The following MIA2 variants were observed in gnomAD, a reference collection of about 807,000 sequenced individuals.
MIA2 encodes MIA SH3 domain ER export factor 2, also known as melanoma inhibitory activity protein 2.
In MIA2, 127 loss-of-function variants were observed where a neutral mutation model predicts 167.8. That is an observed-to-expected ratio of 0.76 (90% CI 0.66 to 0.88). The LOEUF (loss-of-function observed/expected upper bound fraction) is 0.88, where lower values mean the gene tolerates loss of function less well. MIA2 is among the 40% of genes least tolerant of loss of function. The pLI is 0.00. For synonymous variants in MIA2, 552 were observed against 541.9 expected, an observed-to-expected ratio of 1.02 and a Z score of -0.26; for missense variants, 1,690 against 1,624.7, an observed-to-expected ratio of 1.04 and a Z score of -0.69.
intron 23 of MIA2, among the ~76,000 whole-genome samples, chr14:39,365,229 C>G (rs2074793915): frequency 1.3e-5 from 2 of 152,098 alleles, no homozygotes; most frequent in South Asian, 4.1e-4. Context: ...CCAAGCCTGG[C>G]TAATTTTTGT....
chr14:39,369,714 TA>T (rs1595952442), intron 23 of MIA2, among the ~76,000 whole-genome samples: 1 of 152,246 alleles, frequency 6.6e-6, no homozygotes, highest in Admixed American at 6.5e-5. Context: ...GGGCAGATGA[TA>T]AATGCATGTG....
intron 28 of MIA2, 90 bp from the exon 29 acceptor site, chr14:39,350,008 G>A (rs2074194466): frequency 3.7e-6 from 2 of 538,738 alleles, no homozygotes; most frequent in Non-Finnish European, 6.8e-6. Context: ...TAAAAGAATA[G>A]GTAATGGAAG....
intron 23 of MIA2, among the ~76,000 whole-genome samples, chr14:39,383,623 CT>C: frequency 6.6e-6 from 1 of 152,296 alleles, no homozygotes; most frequent in South Asian, 2.1e-4. Flanking sequence ...AACTAGGCCT[CT>C]TGTGCCAAAC....
At chr14:39,286,201 G>A (rs1022284365) in intron 9 of MIA2, among the ~76,000 whole-genome samples, 10 of 152,240 alleles carry the variant, frequency 6.6e-5, no homozygotes, top group Admixed American at 1.3e-4. Flanking sequence ...CCGGCACCTC[G>A]GGAGGCCGAG....
chr14:39,245,206 G>A (rs1166321380), intron 3 of MIA2, among the ~76,000 whole-genome samples: 3 of 151,332 alleles, frequency 2.0e-5, no homozygotes, highest in Non-Finnish European at 4.4e-5. Context: ...CTCCCAAAGT[G>A]CTGGAATTAC....
At chr14:39,238,072 T>C (rs1289473743) in intron 2 of MIA2, among the ~76,000 whole-genome samples, 1 of 151,784 alleles carries the variant, frequency 6.6e-6, no homozygotes, top group Non-Finnish European at 1.5e-5. Flanking sequence ...TGCAAAGTTT[T>C]AGTTAATCAG....
At chr14:39,376,520 A>G (rs2075049360) in intron 23 of MIA2, among the ~76,000 whole-genome samples, 1 of 152,238 alleles carries the variant, frequency 6.6e-6, no homozygotes, top group African/African-American at 2.4e-5. Context: ...AACATGGCCA[A>G]TTTTAAATCT....
At chr14:39,234,854 T>G (rs902625814) in intron 1 of MIA2, among the ~76,000 whole-genome samples, 2 of 152,038 alleles carry the variant, frequency 1.3e-5, no homozygotes, top group South Asian at 4.1e-4. Flanking sequence ...GGAAATTAAT[T>G]TCCATTCTAT....
At chr14:39,382,979 T>TTTTTTAAG (rs2075199794) in intron 23 of MIA2, among the ~76,000 whole-genome samples, 1 of 125,582 alleles carries the variant, frequency 8.0e-6, no homozygotes. Context: ...TTTTTTTTGG[T>TTTTTTAAG]AAGAGATATA....
At chr14:39,311,510 C>T (rs1285897479) in intron 18 of MIA2, among the ~76,000 whole-genome samples, 1 of 114,086 alleles carries the variant, frequency 8.8e-6, no homozygotes, top group Admixed American at 1.3e-4. Flanking sequence ...TGAAGTCTTG[C>T]TGCGATGCCC....
At chr14:39,287,163 T>A (rs2059938485) in intron 9 of MIA2, among the ~76,000 whole-genome samples, 1 of 152,172 alleles carries the variant, frequency 6.6e-6, no homozygotes. Context: ...AGCCTCAGCC[T>A]CCCGGGTTCA....
rs780839007 is a variant in MIA2 at position 39,279,468 on chromosome 14, T to G, written c.2061T>G (p.Ala687=). 1 of 1,608,888 alleles carries G rather than the reference T, an allele frequency of 6.2e-7. No individual in the cohort carries two copies. Among genetic ancestry groups the G allele is most frequent in the Non-Finnish European group, 8.5e-7 (1 of 1,179,020 alleles). ...RLYVGREKKL[A]LMLSGLIEEK... Reference sequence around the variant, plus strand: ...TTTTAGGACGAGAGAAAAAGCTTGCTCTAATGCTTTCTGGACTAATTGAAG... The same window carrying G: ...TTTTAGGACGAGAGAAAAAGCTTGCGCTAATGCTTTCTGGACTAATTGAAG... Residue 687 remains alanine (A), a synonymous_variant, in exon 9 of 29, where the codon GCT becomes GCG. Transcript: ENST00000640607.
intron 23 of MIA2, among the ~76,000 whole-genome samples, chr14:39,360,480 G>T (rs1007157954): frequency 7.9e-5 from 11 of 139,160 alleles, no homozygotes; most frequent in African/African-American, 2.2e-4. Context: ...GTTTGTTTTT[G>T]TTGTTGTTGT....
At chr14:39,356,579 T>C (rs959571157) in intron 23 of MIA2, among the ~76,000 whole-genome samples, 1 of 152,240 alleles carries the variant, frequency 6.6e-6, no homozygotes, top group Non-Finnish European at 1.5e-5. Flanking sequence ...ATATTACTTA[T>C]TTCTTGCCGT....
chr14:39,385,449 TG>T (rs757118114), intron 23 of MIA2: 3 of 1,273,712 alleles, frequency 2.4e-6, no homozygotes, highest in Non-Finnish European at 3.4e-6. Flanking sequence ...TCATCAGTCT[TG>T]GGTCAATCAA....
chr14:39,308,329 T>C (rs775938947), intron 17 of MIA2, 120 bp from the exon 18 acceptor site: 1 of 619,408 alleles, frequency 1.6e-6, no homozygotes, highest in East Asian at 3.7e-5. Flanking sequence ...GATTTTCTGT[T>C]ATTGGAAAGA....
rs781707257 is a variant in MIA2 at position 39,315,744 on chromosome 14, CTT to C, written c.3216+29_3216+30del. 6.1e-6 allele frequency: 9 copies of C among 1,477,586 alleles called. No individual in the cohort carries two copies. The East Asian group carries it at 1.6e-4, about 27-fold the overall frequency. The allele number at this position is 1,477,586 out of a possible 1,614,324, so 91.5% of individuals were successfully genotyped here. A position where few individuals can be genotyped will look rare whatever the true frequency, so the allele number is the denominator to read the frequency against. On this transcript the variant is annotated intron_variant, in intron 21 of 28. Transcript: ENST00000640607. The stretch of plus-strand genomic sequence containing the variant: ...GTAAGTTTAAAATTTCCTTAAGTCT[CTT>C]TTGTCAAATTGTATGTTTTTTTCAG...
In MIA2 at chr14:39,300,937, TATATAC is replaced by T. The variant is rs368466790; in HGVS notation, c.2619+957_2619+962del. On this transcript the variant is annotated intron_variant, in intron 14 of 28. Coordinates refer to ENST00000640607, the MANE Select transcript of MIA2 (RefSeq NM_001329214.4). The stretch of plus-strand genomic sequence containing the variant: ...TGGCATATATATATATACACACACA[TATATAC>T]ATATATACACATACATATACACATA... Among the ~76,000 whole-genome samples, 102 of 22,956 alleles carry T rather than the reference TATATAC, an allele frequency of 4.4e-3. 1 individual carries two copies. The highest frequency in any genetic ancestry group is 0.017 in the East Asian group (8 of 458). The allele number at this position is 22,956 out of a possible 152,430, so 15.1% of individuals were successfully genotyped here. A position where few individuals can be genotyped will look rare whatever the true frequency, so the allele number is the denominator to read the frequency against.
downstream of MIA2, among the ~76,000 whole-genome samples, chr14:39,352,583 C>G (rs1233468580): frequency 6.6e-6 from 1 of 151,472 alleles, no homozygotes; most frequent in African/African-American, 2.4e-5. Flanking sequence ...TTCCAGGACC[C>G]CCACAGATAC....
Sources: gnomAD v4.1 joint callset for allele counts (sites outside exome capture counted in the v4.1 genomes callset) on GRCh38, gnomAD v4.1.1 for gene constraint, MANE v1.5 for transcripts, NCBI Gene and HGNC (gene_info 2026-07-23, HGNC 2026-07-21) for gene names.